The following GALNTL6 variants were observed in gnomAD, a reference collection of about 807,000 sequenced individuals.
The protein encoded by GALNTL6 is polypeptide N-acetylgalactosaminyltransferase-like 6.
A neutral mutation model predicts 73.7 loss-of-function variants in GALNTL6; 46 were observed. The ratio of observed to expected loss-of-function variants is 0.62; its 90% CI spans 0.49 to 0.80. The LOEUF (loss-of-function observed/expected upper bound fraction) is 0.80, where lower values mean the gene tolerates loss of function less well. Ranked by LOEUF, GALNTL6 falls within the 30% of genes least tolerant of loss-of-function variation. GALNTL6 has a pLI of 0.00. For synonymous variants in GALNTL6, 259 were observed against 263.7 expected (o/e 0.98, Z 0.17); for missense variants, 604 against 755.0 (o/e 0.80, Z 2.34).
chr4:172,511,340 G>T (rs184058413), intron 5 of GALNTL6, among the ~76,000 whole-genome samples: 1 of 54,052 alleles, frequency 1.9e-5, no homozygotes, highest in Non-Finnish European at 4.3e-5. Context: ...CTTTTCTTTC[G>T]TTGGTTAATC....
chr4:172,579,585 A>G (rs1438699944), intron 5 of GALNTL6, among the ~76,000 whole-genome samples: 1 of 152,030 alleles, frequency 6.6e-6, no homozygotes, highest in Non-Finnish European at 1.5e-5. Flanking sequence ...AGCAAAAATG[A>G]CTCCACATGA....
intron 10 of GALNTL6, among the ~76,000 whole-genome samples, chr4:172,960,234 G>A (rs1015387904): frequency 9.9e-5 from 15 of 152,152 alleles, no homozygotes; most frequent in African/African-American, 2.9e-4. Flanking sequence ...GAGCCTAAAC[G>A]CTAACTGATT....
chr4:172,335,346 C>A (rs974576655), intron 4 of GALNTL6, among the ~76,000 whole-genome samples: 3 of 152,146 alleles, frequency 2.0e-5, no homozygotes, highest in African/African-American at 7.2e-5. Flanking sequence ...AGTTTGCCAG[C>A]ATTTTGTTGA....
intron 4 of GALNTL6, among the ~76,000 whole-genome samples, chr4:172,346,358 C>A (rs1310976891): frequency 6.6e-6 from 1 of 152,188 alleles, no homozygotes; most frequent in African/African-American, 2.4e-5. Flanking sequence ...CAATATGTCC[C>A]TCACACAGGC....
intron 5 of GALNTL6, among the ~76,000 whole-genome samples, chr4:172,802,866 T>C (rs1461669597): frequency 2.7e-5 from 4 of 150,746 alleles, no homozygotes; most frequent in African/African-American, 7.4e-5. Flanking sequence ...TGGAACTATC[T>C]AGATTAAGTA....
At chr4:171,907,151 T>C (rs1374693109) in intron 2 of GALNTL6, among the ~76,000 whole-genome samples, 5 of 151,772 alleles carry the variant, frequency 3.3e-5, no homozygotes, top group African/African-American at 7.3e-5. Context: ...CCAGGGCAAT[T>C]AGGCAGGAGA....
chr4:172,926,281 C>T (rs1748053970), intron 8 of GALNTL6, among the ~76,000 whole-genome samples: 1 of 152,116 alleles, frequency 6.6e-6, no homozygotes, highest in Non-Finnish European at 1.5e-5. Flanking sequence ...CTCCCAAGGA[C>T]CCTACCTCTG....
intron 2 of GALNTL6, among the ~76,000 whole-genome samples, chr4:172,173,227 T>C (rs1734888615): frequency 6.6e-6 from 1 of 152,228 alleles, no homozygotes; most frequent in African/African-American, 2.4e-5. Context: ...TCAGTTATTT[T>C]CCTCAGAGTC....
intron 5 of GALNTL6, among the ~76,000 whole-genome samples, chr4:172,565,094 A>G (rs1358063213): frequency 3.3e-5 from 5 of 152,180 alleles, no homozygotes; most frequent in Non-Finnish European, 7.4e-5. Flanking sequence ...CTCACATGGA[A>G]GAAGGGGCAA....
At chr4:172,546,975 A>G (rs1382400670) in intron 5 of GALNTL6, among the ~76,000 whole-genome samples, 2 of 151,250 alleles carry the variant, frequency 1.3e-5, no homozygotes, top group Non-Finnish European at 2.9e-5. Flanking sequence ...CTGAAACTCT[A>G]TGCGTTCAAC....
intron 10 of GALNTL6, among the ~76,000 whole-genome samples, chr4:172,975,849 A>T (rs2126418909): frequency 6.6e-6 from 1 of 152,308 alleles, no homozygotes; most frequent in East Asian, 1.9e-4. Context: ...CTGAGTGGGC[A>T]ACAGGATCGG....
At chr4:172,533,574 C>T (rs1735244232) in intron 5 of GALNTL6, among the ~76,000 whole-genome samples, 1 of 152,084 alleles carries the variant, frequency 6.6e-6, no homozygotes, top group Admixed American at 6.6e-5. Flanking sequence ...CCACCCGCCT[C>T]AGCCTCCAAG....
chr4:173,012,443 A>G (rs545494959), intron 11 of GALNTL6, among the ~76,000 whole-genome samples: 1 of 152,348 alleles, frequency 6.6e-6, no homozygotes, highest in Admixed American at 6.5e-5. Context: ...AGAGATGTTC[A>G]GTCCATCAAC....
intron 4 of GALNTL6, among the ~76,000 whole-genome samples, chr4:172,341,779 AG>A (rs1323870083): frequency 6.6e-6 from 1 of 152,204 alleles, no homozygotes; most frequent in Non-Finnish European, 1.5e-5. Flanking sequence ...CATACGGAAC[AG>A]TAAGTCCAAT....
At chr4:172,102,421 T>C (rs1263317790) in intron 2 of GALNTL6, among the ~76,000 whole-genome samples, 1 of 152,188 alleles carries the variant, frequency 6.6e-6, no homozygotes, top group Admixed American at 6.5e-5. Flanking sequence ...GGCCAAGAGT[T>C]GTGACCCCTC....
In GALNTL6 at chr4:172,809,228, A is replaced by G. The variant is rs955053108; in HGVS notation, c.554-133A>G. 1.6e-5 allele frequency: 11 copies of G among 686,498 alleles called. No homozygotes were observed. The highest frequency in any genetic ancestry group is 2.8e-5 in the Non-Finnish European group (11 of 398,944). 42.5% of individuals were successfully genotyped at this position (686,498 alleles called of 1,614,324 possible). ...TCTAAAAATCTTACTAGTATCTCCCATCTAGATGAGGAGACAAGAATGTTA... is the reference window on the plus strand; with the variant it reads ...TCTAAAAATCTTACTAGTATCTCCCGTCTAGATGAGGAGACAAGAATGTTA... On this transcript the variant is annotated intron_variant, in intron 5 of 12. Transcript: ENST00000506823. The surrounding 1 kb of genome is among the most constrained non-coding windows in gnomAD (Gnocchi z 4.4).
chr4:172,993,323 G>A (rs1751625011), intron 10 of GALNTL6, among the ~76,000 whole-genome samples: 1 of 152,226 alleles, frequency 6.6e-6, no homozygotes, highest in African/African-American at 2.4e-5. Flanking sequence ...AGGCCTCATA[G>A]GAGGCCAAAT....
intron 2 of GALNTL6, among the ~76,000 whole-genome samples, chr4:172,161,758 A>G (rs1208255880): frequency 2.6e-5 from 4 of 152,006 alleles, no homozygotes; most frequent in Non-Finnish European, 5.9e-5. Context: ...TAAATAATAG[A>G]TAAATGTGAT....
chr4:171,918,113 G>A (rs1386621391), intron 2 of GALNTL6, among the ~76,000 whole-genome samples: 2 of 152,036 alleles, frequency 1.3e-5, no homozygotes, highest in South Asian at 2.1e-4. Flanking sequence ...TCTTCGTTTT[G>A]TTGTGCTGAT....
Sources: gnomAD v4.1 joint callset for allele counts (sites outside exome capture counted in the v4.1 genomes callset) on GRCh38, gnomAD v4.1.1 for gene constraint, Gnocchi (gnomAD v3.1) non-coding constraint, MANE v1.5 for transcripts, NCBI Gene and HGNC (gene_info 2026-07-23, HGNC 2026-07-21) for gene names.